The following SOS2 variants were observed in gnomAD, a reference collection of about 807,000 sequenced individuals.
The protein encoded by SOS2 is son of sevenless homolog 2.
A neutral mutation model predicts 148.2 loss-of-function variants in SOS2; 65 were observed. The ratio of observed to expected loss-of-function variants is 0.44; its 90% CI spans 0.36 to 0.54. The LOEUF (loss-of-function observed/expected upper bound fraction) is 0.54. Among genes scored for constraint, SOS2 ranks in the 20% least tolerant of loss-of-function variants. The pLI is 0.00. For synonymous variants in SOS2, 539 were observed against 537.1 expected (o/e 1.00, Z -0.05); for missense variants, 1,341 against 1,590.2 (o/e 0.84, Z 2.67).
At chr14:50,150,711 C>A (rs1416324564) in intron 13 of SOS2, among the ~76,000 whole-genome samples, 2 of 151,768 alleles carry the variant, frequency 1.3e-5, no homozygotes, top group African/African-American at 4.8e-5. Flanking sequence ...GCACATATCA[C>A]CACGCCTGGC....
At chr14:50,120,107 G>GT (rs1296309457) in intron 22 of SOS2, among the ~76,000 whole-genome samples, 168 bp downstream of exon 22, 1 of 152,122 alleles carries the variant, frequency 6.6e-6, no homozygotes, top group Non-Finnish European at 1.5e-5. Context: ...TTTAGAAAAG[G>GT]TTTTTATAAG....
chr14:50,166,071 ATTCT>A (rs918879925), intron 8 of SOS2, among the ~76,000 whole-genome samples: 6 of 152,192 alleles, frequency 3.9e-5, no homozygotes, highest in African/African-American at 1.4e-4. Context: ...GTTGAAAGGG[ATTCT>A]TTCTATGTTG....
At chr14:50,191,642 T>C (rs1015332075) in intron 4 of SOS2, among the ~76,000 whole-genome samples, 1 of 152,116 alleles carries the variant, frequency 6.6e-6, no homozygotes, top group Non-Finnish European at 1.5e-5. Flanking sequence ...GTTCCTGAAT[T>C]TAAATGCTAC....
At position 50,173,796 on chromosome 14, in the gene SOS2, G is replaced by A. The variant is rs532817364; in HGVS notation, c.1068+658C>T. The stretch of plus-strand genomic sequence containing the variant: ...CCATGGATACTAGTGGATCCATAAA[G>A]AACTCATCAAAAGATATGCTGGCTT... On this transcript the variant is annotated intron_variant, in intron 8 of 22. Coordinates refer to ENST00000216373, the MANE Select transcript of SOS2 (RefSeq NM_006939.4). 5.9e-5 allele frequency among the ~76,000 whole-genome samples: 9 copies of A among 152,202 alleles called. 1 individual carries two copies. Among genetic ancestry groups the A allele is most frequent in the African/African-American group, 2.2e-4 (9 of 41,522 alleles).
At chr14:50,162,897 ATT>A (rs112053842) in intron 8 of SOS2, among the ~76,000 whole-genome samples, 33 of 88,350 alleles carry the variant, frequency 3.7e-4, no homozygotes, top group Admixed American at 6.6e-4. Context: ...CAATGTTTTG[ATT>A]TTTTTTTTTT....
At chr14:50,223,453 T>A (rs1197490332) in intron 1 of SOS2, among the ~76,000 whole-genome samples, 2 of 152,052 alleles carry the variant, frequency 1.3e-5, no homozygotes, top group Non-Finnish European at 2.9e-5. Flanking sequence ...GGCGGGCAGG[T>A]GACGAGGTCA....
chr14:50,158,757 CAG>C (rs1884897500), intron 10 of SOS2, 111 bp from the exon 11 acceptor site: 1 of 667,682 alleles, frequency 1.5e-6, no homozygotes, highest in African/African-American at 1.8e-5. Flanking sequence ...TTTGGCTCCT[CAG>C]ATTGTGGCTT....
chr14:50,216,353 T>C (rs1019236236), intron 1 of SOS2, among the ~76,000 whole-genome samples: 1 of 152,012 alleles, frequency 6.6e-6, no homozygotes, highest in Non-Finnish European at 1.5e-5. Context: ...TGCCTCAGCC[T>C]CCCAAAGTGT....
chr14:50,129,025 G>A (rs1341177513), intron 21 of SOS2, among the ~76,000 whole-genome samples: 2 of 152,090 alleles, frequency 1.3e-5, no homozygotes. Flanking sequence ...TACTATGCTC[G>A]AAGCAGATGT....
intron 14 of SOS2, among the ~76,000 whole-genome samples, chr14:50,148,850 G>A (rs1057434563): frequency 2.6e-5 from 4 of 152,084 alleles, no homozygotes; most frequent in African/African-American, 4.8e-5. Flanking sequence ...GCTTTTCCCT[G>A]TGTAATCTTT....
chr14:50,208,207 G>A (rs1304636947), intron 1 of SOS2, among the ~76,000 whole-genome samples: 2 of 152,182 alleles, frequency 1.3e-5, no homozygotes, highest in African/African-American at 2.4e-5. Flanking sequence ...TGAGGCAGGA[G>A]AATCGCTTGA....
At chr14:50,212,306 T>A (rs1886898669) in intron 1 of SOS2, among the ~76,000 whole-genome samples, 2 of 152,260 alleles carry the variant, frequency 1.3e-5, no homozygotes, top group South Asian at 4.2e-4. Flanking sequence ...AAACCCCGTC[T>A]CTACTAAAAA....
intron 14 of SOS2, among the ~76,000 whole-genome samples, chr14:50,146,383 C>T (rs1249356872): frequency 6.6e-6 from 1 of 152,248 alleles, no homozygotes; most frequent in Admixed American, 6.5e-5. Context: ...GCAGCTCATG[C>T]CTGTAATCCC....
intron 19 of SOS2, among the ~76,000 whole-genome samples, chr14:50,133,470 G>A (rs1883973137): frequency 6.6e-6 from 1 of 151,804 alleles, no homozygotes; most frequent in Non-Finnish European, 1.5e-5. Context: ...AATGTGCTGG[G>A]ATTACAGGTG....
chr14:50,207,124 A>C (rs1379644614), intron 1 of SOS2, among the ~76,000 whole-genome samples: 1 of 152,256 alleles, frequency 6.6e-6, no homozygotes, highest in Admixed American at 6.5e-5. Flanking sequence ...AACAATCTTA[A>C]GCGAACATTT....
intron 22 of SOS2, among the ~76,000 whole-genome samples, chr14:50,119,462 A>C (rs1247292218): frequency 6.6e-6 from 1 of 152,246 alleles, no homozygotes; most frequent in African/African-American, 2.4e-5. Flanking sequence ...AATACTTGGA[A>C]TACTACTGAA....
intron 21 of SOS2, among the ~76,000 whole-genome samples, chr14:50,127,978 A>T (rs984339731): frequency 6.6e-6 from 1 of 152,228 alleles, no homozygotes; most frequent in African/African-American, 2.4e-5. Context: ...TAAATGTATA[A>T]TAGGCTTCCA....
At chr14:50,138,460 C>T (rs933485765) in intron 18 of SOS2, 152 bp downstream of exon 18, 19 of 405,028 alleles carry the variant, frequency 4.7e-5, no homozygotes, top group Non-Finnish European at 8.3e-5. Context: ...AGTGCCTGGC[C>T]TCTTACAGTT....
intron 1 of SOS2, among the ~76,000 whole-genome samples, chr14:50,209,447 C>T (rs1414248159): frequency 6.6e-6 from 1 of 152,018 alleles, no homozygotes; most frequent in East Asian, 1.9e-4. Flanking sequence ...ACTTTTCTTT[C>T]TATGTACCAG....
Sources: allele counts gnomAD v4.1 joint callset (sites outside exome capture counted in the v4.1 genomes callset), GRCh38; gene constraint gnomAD v4.1.1; transcripts MANE v1.5; gene names NCBI Gene and HGNC (gene_info 2026-07-23, HGNC 2026-07-21).